The following ARIH2 variants were observed in gnomAD, a reference collection of about 807,000 sequenced individuals.
ARIH2 encodes ariadne RBR E3 ubiquitin protein ligase 2, also known as E3 ubiquitin-protein ligase ARIH2.
A neutral mutation model predicts 79.8 loss-of-function variants in ARIH2; 12 were observed. The observed-to-expected ratio is 0.15, with a 90% CI of 0.10 to 0.24. The LOEUF is 0.24. ARIH2 is among the 10% of genes least tolerant of loss of function. The pLI is 1.00. For synonymous variants in ARIH2, 224 were observed against 213.9 expected, an observed-to-expected ratio of 1.05 and a Z score of -0.41; for missense variants, 301 against 618.3, an observed-to-expected ratio of 0.49 and a Z score of 5.44.
At chr3:48,959,649 CA>C (rs71077758) in intron 3 of ARIH2, among the ~76,000 whole-genome samples, 1,376 of 50,042 alleles carry the variant, frequency 0.027, 8 homozygotes, top group African/African-American at 0.056. Flanking sequence ...TAAAAAATAC[CA>C]AAAAAAAAAA....
chr3:48,967,340 A>G (rs2091871838), intron 6 of ARIH2, 65 bp downstream of exon 6: 2 of 1,546,122 alleles, frequency 1.3e-6, no homozygotes, highest in Non-Finnish European at 8.8e-7. Context: ...CTGCCTTTTC[A>G]TGTACTCAAG....
At chr3:48,978,453 G>A (rs938862251) in intron 11 of ARIH2, among the ~76,000 whole-genome samples, 4 of 116,628 alleles carry the variant, frequency 3.4e-5, no homozygotes, top group Admixed American at 1.0e-4. Flanking sequence ...GTGTGTGTGT[G>A]TGTGTGTGTG....
In ARIH2 at chr3:48,971,870, T is replaced by A. The variant is rs193188519; in HGVS notation, c.770+1166T>A. Among the ~76,000 whole-genome samples, 18 of 152,342 alleles carry A rather than the reference T, an allele frequency of 1.2e-4. No homozygotes were observed. The East Asian group carries it at 2.5e-3, about 21-fold the overall frequency. ...CACTTTATGAAATTCTTTCCCTGGG[T>A]ATTTGCCTGAGGGCCTTTTCTAGCC... is the stretch of plus-strand genomic sequence containing the variant. On this transcript the variant is annotated intron_variant, in intron 8 of 15. Coordinates refer to ENST00000356401, the MANE Select transcript of ARIH2 (RefSeq NM_006321.4).
At position 48,983,460 on chromosome 3, in the gene ARIH2, TA is replaced by T. The variant is rs1342145136; in HGVS notation, c.*191del. ...TTTTCACTTTTTGTTTCTACCAGGG[TA>T]GAGGCCATGTTGAACTGGCCTCTTT... On this transcript the variant is annotated 3_prime_UTR_variant, in exon 16 of 16. Coordinates refer to ENST00000356401, the MANE Select transcript of ARIH2 (RefSeq NM_006321.4). 2 of 616,040 alleles carry T rather than the reference TA, an allele frequency of 3.2e-6. No homozygotes were observed. The highest frequency in any genetic ancestry group is 2.8e-5 in the Admixed American group (1 of 35,202). 38.2% of individuals were successfully genotyped at this position (616,040 alleles called of 1,614,324 possible).
At chr3:48,957,701 TTTTGTTTGTTTG>T (rs535577598) in intron 3 of ARIH2, among the ~76,000 whole-genome samples, 2 of 151,976 alleles carry the variant, frequency 1.3e-5, no homozygotes, top group Admixed American at 1.3e-4. Context: ...ACTTCATTGT[TTTTGTTTGTTTG>T]TTTGTTTGTT....
At chr3:48,930,306 T>A (rs778839458) in intron 3 of ARIH2, among the ~76,000 whole-genome samples, 5 of 152,126 alleles carry the variant, frequency 3.3e-5, no homozygotes, top group African/African-American at 4.8e-5. Flanking sequence ...TTACTTATAT[T>A]TTTAAAATTA....
chr3:48,940,354 T>TA (rs1199726838), intron 3 of ARIH2, among the ~76,000 whole-genome samples: 5 of 151,682 alleles, frequency 3.3e-5, no homozygotes, highest in African/African-American at 1.2e-4. Flanking sequence ...AGATTGATTT[T>TA]AAAAAGATAG....
At chr3:48,947,085 C>T (rs955201197) in intron 3 of ARIH2, among the ~76,000 whole-genome samples, 3 of 152,016 alleles carry the variant, frequency 2.0e-5, no homozygotes, top group Non-Finnish European at 4.4e-5. Flanking sequence ...TGGTAAGGAG[C>T]TGGCTGAATG....
At chr3:48,957,121 T>C (rs2090684893) in intron 3 of ARIH2, among the ~76,000 whole-genome samples, 1 of 152,220 alleles carries the variant, frequency 6.6e-6, no homozygotes, top group Non-Finnish European at 1.5e-5. Context: ...TTCACATTGT[T>C]TGTTCTCACC....
At chr3:48,953,298 A>G (rs2107427139) in intron 3 of ARIH2, among the ~76,000 whole-genome samples, 1 of 152,344 alleles carries the variant, frequency 6.6e-6, no homozygotes, top group South Asian at 2.1e-4. Flanking sequence ...GCCAAACTGA[A>G]TTAAAATCAG....
intron 7 of ARIH2, 138 bp downstream of exon 7, chr3:48,968,793 A>T: frequency 8.1e-7 from 1 of 1,230,826 alleles, no homozygotes; most frequent in South Asian, 1.5e-5. Context: ...CTTTAAAAAA[A>T]GTTTGAAAAC....
intron 1 of ARIH2, among the ~76,000 whole-genome samples, chr3:48,921,904 A>C (rs2084883287): frequency 6.6e-6 from 1 of 152,120 alleles, no homozygotes; most frequent in Admixed American, 6.6e-5. Flanking sequence ...GGCATGCACC[A>C]CCACGACATT....
rs369486740 is a variant in ARIH2 at position 48,933,401 on chromosome 3, A to G, written c.255+5588A>G. Reference sequence around the variant, plus strand: ...TGGTCTCAAACTCCAGAGTTCAGACAATCCACCCACTTCAGCCTCCCAAAG... The same window carrying G: ...TGGTCTCAAACTCCAGAGTTCAGACGATCCACCCACTTCAGCCTCCCAAAG... On this transcript the variant is annotated intron_variant, in intron 3 of 15. Transcript: ENST00000356401. Among the ~76,000 whole-genome samples, 448 of 151,704 alleles carry G rather than the reference A, an allele frequency of 3.0e-3. 4 individuals carry two copies. The highest frequency in any genetic ancestry group is 9.9e-3 in the African/African-American group (409 of 41,304).
chr3:48,968,218 T>TC (rs1424183275), intron 6 of ARIH2: 1 of 155,188 alleles, frequency 6.4e-6, no homozygotes, highest in East Asian at 1.8e-4. Context: ...TTTTTTTTTT[T>TC]TTTTTTTGAG....
chr3:48,978,969 A>G (rs1039547899), intron 11 of ARIH2, among the ~76,000 whole-genome samples: 1 of 152,142 alleles, frequency 6.6e-6, no homozygotes, highest in Non-Finnish European at 1.5e-5. Flanking sequence ...TCAAAAAAAA[A>G]AAGAAAAAGA....
At chr3:48,939,849 A>C (rs960312562) in intron 3 of ARIH2, among the ~76,000 whole-genome samples, 2 of 152,096 alleles carry the variant, frequency 1.3e-5, no homozygotes, top group Non-Finnish European at 2.9e-5. Flanking sequence ...TAAAGTATAC[A>C]ATTCAGTGGC....
At chr3:48,937,953 A>G (rs2087412454) in intron 3 of ARIH2, among the ~76,000 whole-genome samples, 1 of 150,004 alleles carries the variant, frequency 6.7e-6, no homozygotes, top group Non-Finnish European at 1.5e-5. Flanking sequence ...AGGCTGAGGC[A>G]GGAGAATGGC....
At chr3:48,940,531 T>A (rs936274150) in intron 3 of ARIH2, among the ~76,000 whole-genome samples, 2 of 151,892 alleles carry the variant, frequency 1.3e-5, no homozygotes, top group African/African-American at 4.8e-5. Context: ...AGGGACCGGC[T>A]GAAGCCATGG....
At chr3:48,946,707 C>T (rs2089198665) in intron 3 of ARIH2, among the ~76,000 whole-genome samples, 1 of 151,908 alleles carries the variant, frequency 6.6e-6, no homozygotes, top group African/African-American at 2.4e-5. Context: ...GAGCTCATTT[C>T]AAGCTGGAAA....
Sources: gnomAD v4.1 joint callset for allele counts (sites outside exome capture counted in the v4.1 genomes callset) on GRCh38, gnomAD v4.1.1 for gene constraint, MANE v1.5 for transcripts, NCBI Gene and HGNC (gene_info 2026-07-23, HGNC 2026-07-21) for gene names.